The following PDE1A variants were observed in gnomAD, a reference collection of about 807,000 sequenced individuals.
PDE1A encodes dual specificity calcium/calmodulin-dependent 3',5'-cyclic nucleotide phosphodiesterase 1A.
In PDE1A, 35 loss-of-function variants were observed where a neutral mutation model predicts 61.7. That is an observed-to-expected ratio of 0.57 (90% confidence interval 0.43 to 0.75). The LOEUF is 0.75. Ranked by LOEUF, PDE1A falls within the 30% of genes least tolerant of loss-of-function variation. The probability of loss-of-function intolerance (pLI) is 0.00; values close to 1 mark genes in which losing one functional copy is unlikely to be tolerated. For synonymous variants in PDE1A, 232 were observed against 213.2 expected, an observed-to-expected ratio of 1.09 and a Z score of -0.77; for missense variants, 597 against 630.6, an observed-to-expected ratio of 0.95 and a Z score of 0.57.
Position 182,249,276 on chromosome 2 carries a change from G to A in PDE1A, c.168-8984C>T, listed in dbSNP as rs73047932. 7.1e-3 allele frequency among the ~76,000 whole-genome samples: 1,087 copies of A among 152,362 alleles called. 10 individuals are homozygous for A. Among genetic ancestry groups the A allele is most frequent in the African/African-American group, 0.024 (998 of 41,576 alleles). ...ACCTAATAAGAAAGCCCAGTAAGAT[G>A]TAGGAGACAGGCTTGGGGACCTTTG... On this transcript the variant is annotated intron_variant, in intron 2 of 13. Coordinates refer to ENST00000351439, the Ensembl canonical transcript of PDE1A.
At chr2:182,317,596 A>T (rs561380705) in intron 1 of PDE1A, among the ~76,000 whole-genome samples, 11 of 152,192 alleles carry the variant, frequency 7.2e-5, no homozygotes, top group Non-Finnish European at 1.6e-4. Context: ...AAGCAGAGGC[A>T]TACATAGTGA....
At chr2:182,287,247 T>C (rs1694226161) in intron 1 of PDE1A, among the ~76,000 whole-genome samples, 1 of 152,100 alleles carries the variant, frequency 6.6e-6, no homozygotes, top group Non-Finnish European at 1.5e-5. Context: ...TAAGACTTCA[T>C]TTTAAATGAC....
At chr2:182,516,875 T>G (rs1268588339) in intron 2 of PDE1A, among the ~76,000 whole-genome samples, 2 of 143,208 alleles carry the variant, frequency 1.4e-5, no homozygotes, top group Non-Finnish European at 3.0e-5. Context: ...GGAAGATGAA[T>G]CTTTGTGATT....
chr2:182,396,781 T>C (rs1044483065), intron 1 of PDE1A, among the ~76,000 whole-genome samples: 1 of 152,222 alleles, frequency 6.6e-6, no homozygotes, highest in Non-Finnish European at 1.5e-5. Flanking sequence ...ATTGTCTTTA[T>C]TTGAAGATTA....
chr2:182,364,750 T>C (rs1015655477), intron 1 of PDE1A, among the ~76,000 whole-genome samples: 2 of 151,976 alleles, frequency 1.3e-5, no homozygotes, highest in African/African-American at 2.4e-5. Flanking sequence ...TTTTCAAACA[T>C]GGAACGTGTT....
intron 2 of PDE1A, among the ~76,000 whole-genome samples, chr2:182,251,077 C>A (rs1211932255): frequency 1.3e-5 from 2 of 152,088 alleles, no homozygotes; most frequent in African/African-American, 4.8e-5. Context: ...ATCCTCTTGG[C>A]TCAAAAACAT....
intron 2 of PDE1A, among the ~76,000 whole-genome samples, chr2:182,469,348 G>T (rs1404581627): frequency 2.6e-5 from 4 of 151,906 alleles, no homozygotes; most frequent in African/African-American, 9.7e-5. Context: ...GCACTTTTAT[G>T]TTAGGAAGAC....
At chr2:182,329,539 G>A (rs565573419) in intron 1 of PDE1A, among the ~76,000 whole-genome samples, 2 of 152,058 alleles carry the variant, frequency 1.3e-5, no homozygotes, top group South Asian at 2.1e-4. Flanking sequence ...ACAGGCACCC[G>A]CCAGCAGCCC....
chr2:182,376,787 T>A (rs909852330), intron 1 of PDE1A, among the ~76,000 whole-genome samples: 2 of 152,170 alleles, frequency 1.3e-5, no homozygotes, highest in Non-Finnish European at 1.5e-5. Context: ...TACAGTTCCA[T>A]GTGGCTGGGG....
chr2:182,316,916 A>G (rs1696373374), intron 1 of PDE1A, among the ~76,000 whole-genome samples: 1 of 152,206 alleles, frequency 6.6e-6, no homozygotes. Context: ...CATTAAAAAG[A>G]GTGAAAAGTT....
At chr2:182,596,941 C>T in the PDE1A span, among the ~76,000 whole-genome samples, 4 of 152,054 alleles carry the variant, frequency 2.6e-5, no homozygotes, top group African/African-American at 9.7e-5. Flanking sequence ...ATCTGTAGAG[C>T]CCAGGAATTT....
chr2:182,632,543 T>C, the PDE1A span, among the ~76,000 whole-genome samples: 248 of 152,234 alleles, frequency 1.6e-3, 5 homozygotes, highest in African/African-American at 5.8e-3. Flanking sequence ...TATTAGATAC[T>C]GCAAGAAGAA....
chr2:182,543,823 G>T, the PDE1A span, among the ~76,000 whole-genome samples: 1 of 151,978 alleles, frequency 6.6e-6, no homozygotes, highest in African/African-American at 2.4e-5. Context: ...TCTTAATAGG[G>T]TTTCTTTTTA....
the PDE1A span, among the ~76,000 whole-genome samples, chr2:182,697,300 T>C: frequency 8.5e-5 from 13 of 152,328 alleles, no homozygotes; most frequent in Admixed American, 2.0e-4. Flanking sequence ...ACTTGCCACT[T>C]AACTGTGTGA....
the PDE1A span, among the ~76,000 whole-genome samples, chr2:182,710,704 C>A: frequency 2.6e-5 from 4 of 152,182 alleles, no homozygotes; most frequent in African/African-American, 9.7e-5. Flanking sequence ...TTTTTTATGG[C>A]TGAATAATAT....
chr2:182,546,791 C>G, the PDE1A span, among the ~76,000 whole-genome samples: 100 of 152,280 alleles, frequency 6.6e-4, no homozygotes, highest in Non-Finnish European at 1.3e-3. Flanking sequence ...ATTTTATTAA[C>G]TCTAAATGAC....
chr2:182,364,379 G>A (rs1699690993), intron 1 of PDE1A, among the ~76,000 whole-genome samples: 1 of 136,384 alleles, frequency 7.3e-6, no homozygotes, highest in Non-Finnish European at 1.5e-5. Context: ...TCAATAAAAT[G>A]CCTCTCAGTA....
At chr2:182,240,323 T>A (rs1690401930) in intron 2 of PDE1A, 31 bp from the exon 3 acceptor site, 1 of 1,380,190 alleles carries the variant, frequency 7.2e-7, no homozygotes, top group Non-Finnish European at 9.7e-7. Flanking sequence ...TAAACTTTTT[T>A]ATAAAAAAGT....
At chr2:182,386,801 G>A (rs984367420) in intron 1 of PDE1A, among the ~76,000 whole-genome samples, 2 of 150,852 alleles carry the variant, frequency 1.3e-5, no homozygotes, top group Non-Finnish European at 3.0e-5. Context: ...GGAGGGAGGT[G>A]GGGGGCACCT....
Sources: gnomAD v4.1 joint callset for allele counts (sites outside exome capture counted in the v4.1 genomes callset) on GRCh38, gnomAD v4.1.1 for gene constraint, MANE v1.5 for transcripts, NCBI Gene and HGNC (gene_info 2026-07-23, HGNC 2026-07-21) for gene names.